The following TMPRSS15 variants were observed in gnomAD, a reference collection of about 807,000 sequenced individuals.
TMPRSS15 encodes the protein enteropeptidase.
Under a neutral mutation model 125.3 loss-of-function variants are expected in TMPRSS15, and 128 were observed. The ratio of observed to expected loss-of-function variants is 1.02; its 90% confidence interval spans 0.89 to 1.18. The LOEUF is 1.18. Ranked by LOEUF, TMPRSS15 falls within the 50% of genes most tolerant of loss-of-function variation. The probability of loss-of-function intolerance (pLI) is 0.00; values close to 1 mark genes in which losing one functional copy is unlikely to be tolerated. For missense variants in TMPRSS15, 1,283 were observed against 1,212.7 expected, an observed-to-expected ratio of 1.06 and a Z score of -0.86; for synonymous variants, 446 against 423.2, an observed-to-expected ratio of 1.05 and a Z score of -0.66.
At chr21:18,293,721 G>C (rs750007942) in intron 21 of TMPRSS15, among the ~76,000 whole-genome samples, 1 of 152,120 alleles carries the variant, frequency 6.6e-6, no homozygotes, top group Non-Finnish European at 1.5e-5. Context: ...AGTCAGATAC[G>C]GTTGATATTA....
intron 13 of TMPRSS15, among the ~76,000 whole-genome samples, chr21:18,333,652 A>T (rs571371607): frequency 6.6e-6 from 1 of 152,192 alleles, no homozygotes; most frequent in Non-Finnish European, 1.5e-5. Context: ...TGCTTAATAA[A>T]TGCTTAATCA....
rs1220234710 is a variant in TMPRSS15 at position 18,365,259 on chromosome 21, A to G, written c.665-11T>C. ...CATCACAAACTGTGGCTGCAAAACG[A>G]TGCCAATTAATGTTAGACAAAAACA... is the stretch of plus-strand genomic sequence containing the variant. On this transcript the variant is annotated splice_polypyrimidine_tract_variant and intron_variant, in intron 6 of 24. Transcript: ENST00000284885. 2 of 1,597,832 alleles carry G rather than the reference A, an allele frequency of 1.3e-6. No individual in the cohort carries two copies. The highest frequency in any genetic ancestry group is 1.1e-5 in the South Asian group (1 of 90,776).
At chr21:18,359,923 C>T (rs1253549000) in intron 7 of TMPRSS15, 60 bp from the exon 8 acceptor site, 2 of 789,408 alleles carry the variant, frequency 2.5e-6, no homozygotes, top group African/African-American at 3.4e-5. Flanking sequence ...TTTCTTAATG[C>T]ATTCTAGAAT....
At chr21:18,329,824 G>A (rs868845168) in intron 14 of TMPRSS15, among the ~76,000 whole-genome samples, 27 of 150,014 alleles carry the variant, frequency 1.8e-4, no homozygotes, top group Middle Eastern at 8.3e-3. Flanking sequence ...TATTGATTTT[G>A]TAAATAATTC....
At chr21:18,452,366 T>C (rs1467648842) in intron 1 of TMPRSS15, among the ~76,000 whole-genome samples, 1 of 152,086 alleles carries the variant, frequency 6.6e-6, no homozygotes, top group Non-Finnish European at 1.5e-5. Context: ...GCAAACATAA[T>C]GTAATATTAA....
chr21:18,390,880 A>T (rs1304672796), intron 3 of TMPRSS15, among the ~76,000 whole-genome samples: 2 of 152,178 alleles, frequency 1.3e-5, no homozygotes, highest in Admixed American at 1.3e-4. Flanking sequence ...ATGGCTGGGG[A>T]GGCCTCAGAA....
chr21:18,287,077 T>G (rs1215191302), intron 21 of TMPRSS15, among the ~76,000 whole-genome samples: 1 of 152,210 alleles, frequency 6.6e-6, no homozygotes, highest in East Asian at 1.9e-4. Flanking sequence ...CTACTTTTCT[T>G]TACTGCATGT....
Position 18,326,731 on chromosome 21 carries a change from A to G in TMPRSS15, c.1781-159T>C, listed in dbSNP as rs9982094. On this transcript the variant is annotated intron_variant, in intron 15 of 24. Coordinates refer to ENST00000284885, the MANE Select transcript of TMPRSS15 (RefSeq NM_002772.3). Reference sequence around the variant, plus strand: ...TAAATGAACACACACATTCTCTTACATTTTGAACACTTCTCAACAAAGCAA... The same window carrying G: ...TAAATGAACACACACATTCTCTTACGTTTTGAACACTTCTCAACAAAGCAA... Among the ~76,000 whole-genome samples, 609 of 152,338 alleles carry G rather than the reference A, an allele frequency of 4.0e-3. 4 individuals carry two copies. The highest frequency in any genetic ancestry group is 0.014 in the African/African-American group (585 of 41,574).
chr21:18,300,284 CTCTCTTTCTT>C (rs1433055973), intron 18 of TMPRSS15, among the ~76,000 whole-genome samples: 6 of 119,030 alleles, frequency 5.0e-5, no homozygotes, highest in Non-Finnish European at 1.2e-4. Context: ...TTCTTTCTCT[CTCTCTTTCTT>C]TCTCTCTCTC....
chr21:18,448,059 T>C (rs187196579), intron 1 of TMPRSS15, among the ~76,000 whole-genome samples: 275 of 152,320 alleles, frequency 1.8e-3, no homozygotes, highest in Non-Finnish European at 2.2e-3. Flanking sequence ...GTATAAAGGT[T>C]CTTCAAAAAA....
At chr21:18,279,818 C>T (rs1247887004) in intron 22 of TMPRSS15, among the ~76,000 whole-genome samples, 1 of 151,884 alleles carries the variant, frequency 6.6e-6, no homozygotes, top group East Asian at 1.9e-4. Context: ...TTTTTATTTT[C>T]CCCAATTATC....
intron 13 of TMPRSS15, among the ~76,000 whole-genome samples, chr21:18,334,589 T>A (rs2075374312): frequency 6.6e-6 from 1 of 152,186 alleles, no homozygotes; most frequent in South Asian, 2.1e-4. Context: ...CCTGCCATAC[T>A]TAGTACTGGT....
Position 18,270,101 on chromosome 21 carries a change from C to T in TMPRSS15, c.2928G>A (p.Met976Ile), listed in dbSNP as rs756614369. ...SCQGDSGGPLMCQENNRWFLA... is the reference protein window; with the variant it reads ...SCQGDSGGPLICQENNRWFLA... ...GGAACCACCTGTTGTTTTCTTGGCA[C>T]ATTAATGGTCCTCCTGAATCCCCCT... is the stretch of plus-strand genomic sequence containing the variant. The change falls in exon 25 of 25, where the codon ATG becomes ATA. Residue 976 changes from methionine (M) to isoleucine (I), a missense_variant. Transcript: ENST00000284885. 1.2e-6 allele frequency: 2 copies of T among 1,613,812 alleles called. No homozygotes were observed. The highest frequency in any genetic ancestry group is 1.7e-6 in the Non-Finnish European group (2 of 1,179,882).
intron 5 of TMPRSS15, among the ~76,000 whole-genome samples, chr21:18,378,837 T>C (rs554428898): frequency 6.6e-6 from 1 of 152,158 alleles, no homozygotes; most frequent in South Asian, 2.1e-4. Flanking sequence ...AAAAAATTCC[T>C]GAATGAATGA....
chr21:18,306,243 C>A (rs934328618), intron 18 of TMPRSS15, among the ~76,000 whole-genome samples: 2 of 152,028 alleles, frequency 1.3e-5, no homozygotes, highest in Admixed American at 1.3e-4. Flanking sequence ...TGAACAAGGG[C>A]AGAAGCACTA....
intron 1 of TMPRSS15, among the ~76,000 whole-genome samples, chr21:18,417,858 CACACACAT>C (rs754764735): frequency 2.0e-5 from 3 of 152,148 alleles, no homozygotes; most frequent in Admixed American, 6.5e-5. Flanking sequence ...TACACACAAT[CACACACAT>C]ACACACATAC....
chr21:18,374,555 G>T (rs1743211312), intron 5 of TMPRSS15, among the ~76,000 whole-genome samples: 1 of 151,812 alleles, frequency 6.6e-6, no homozygotes, highest in Admixed American at 6.6e-5. Flanking sequence ...ATAGATGGTG[G>T]GATGTTTATG....
rs569946793 is a variant in TMPRSS15 at position 18,481,028 on chromosome 21, A to C, written c.10+4771T>G. On this transcript the variant is annotated intron_variant, in intron 1 of 7. Coordinates refer to the TMPRSS15 transcript ENST00000422787. ...AAGTCTGAAATACTGTGGTCTTGGAATCAAACTTGAAACCAGAGGCAGAGT... is the reference window on the plus strand; with the variant it reads ...AAGTCTGAAATACTGTGGTCTTGGACTCAAACTTGAAACCAGAGGCAGAGT... Among the ~76,000 whole-genome samples, 6 of 151,952 alleles carry C rather than the reference A, an allele frequency of 3.9e-5. No individual in the cohort carries two copies. The East Asian group carries it at 1.2e-3, about 29-fold the overall frequency.
At chr21:18,293,904 T>C (rs1270835199) in intron 21 of TMPRSS15, among the ~76,000 whole-genome samples, 1 of 152,202 alleles carries the variant, frequency 6.6e-6, no homozygotes, top group African/African-American at 2.4e-5. Context: ...GCAATAAATA[T>C]TGGACAAATT....
Sources: gnomAD v4.1 joint callset for allele counts (sites outside exome capture counted in the v4.1 genomes callset) on GRCh38, gnomAD v4.1.1 for gene constraint, MANE v1.5 for transcripts, NCBI Gene and HGNC (gene_info 2026-07-23, HGNC 2026-07-21) for gene names.